Variants in DNAH10 observed in about 807,000 individuals in gnomAD.
DNAH10 encodes the protein dynein axonemal heavy chain 10.
DNAH10 carries 348 observed loss-of-function variants against 506.6 expected under a neutral mutation model. The observed-to-expected ratio is 0.69, with a 90% CI of 0.63 to 0.75. The LOEUF (loss-of-function observed/expected upper bound fraction) is 0.75, where lower values mean the gene tolerates loss of function less well. Ranked by LOEUF, DNAH10 falls within the 30% of genes least tolerant of loss-of-function variation. The pLI is 0.00. For missense variants in DNAH10, 5,179 were observed against 5,787.1 expected (o/e 0.89, Z 3.41); for synonymous variants, 2,059 against 2,198.6 (o/e 0.94, Z 1.78).
At chr12:123,908,532 C>A (rs1215913186) in intron 57 of DNAH10, 1 of 456,120 alleles carries the variant, frequency 2.2e-6, no homozygotes, top group Non-Finnish European at 4.4e-6. Flanking sequence ...CTTTCACTGA[C>A]CTTGCCTGGC....
At chr12:123,766,776 A>C (rs1265109100) in intron 1 of DNAH10, among the ~76,000 whole-genome samples, 1 of 152,092 alleles carries the variant, frequency 6.6e-6, no homozygotes, top group Admixed American at 6.5e-5. Flanking sequence ...GACATTTGAT[A>C]TTGGCCATTT....
In DNAH10 at chr12:123,928,862, C is replaced by CG. The variant is rs968474297; in HGVS notation, c.12306+275_12306+276insG. 1 of 466,532 alleles carries CG rather than the reference C, an allele frequency of 2.1e-6. No homozygotes were observed. Among genetic ancestry groups the CG allele is most frequent in the African/African-American group, 2.8e-5 (1 of 35,812 alleles). The allele number at this position is 466,532 out of a possible 1,614,324, so 28.9% of individuals were successfully genotyped here. A position where few individuals can be genotyped will look rare whatever the true frequency, so the allele number is the denominator to read the frequency against. ...ACTTTTCATAAACTTCACGGCCCCC[C>CG]CCCCCACACACAGCCTGCAGTTCGC... On this transcript the variant is annotated intron_variant, in intron 70 of 78. Transcript: ENST00000673944. This position sits in a 1 kb window ranked among gnomAD's most constrained non-coding sequence, Gnocchi z 4.9.
chr12:123,854,996 A>T (rs1951329682), intron 36 of DNAH10, among the ~76,000 whole-genome samples: 2 of 152,244 alleles, frequency 1.3e-5, no homozygotes, highest in African/African-American at 4.8e-5. Flanking sequence ...CCACCACCTC[A>T]GCACCTGTTT....
intron 35 of DNAH10, among the ~76,000 whole-genome samples, chr12:123,851,355 ATGTGT>A (rs1951165981): frequency 3.5e-5 from 5 of 142,506 alleles, no homozygotes; most frequent in African/African-American, 1.4e-4. Flanking sequence ...GGGACCTAGG[ATGTGT>A]CAGCTCCATG....
In DNAH10 at chr12:123,935,672, T is replaced by C. The variant is rs1436912859; in HGVS notation, c.*191T>C. On this transcript the variant is annotated 3_prime_UTR_variant, in exon 79 of 79. Coordinates refer to ENST00000673944, the MANE Select transcript of DNAH10 (RefSeq NM_001372106.1). ...ATGGTTTTGTTTTTAATACTACTTT[T>C]TAAAAGGAATTTATATAATCAAAAA... is the stretch of plus-strand genomic sequence containing the variant. The C allele has an allele frequency of 2.0e-6, 1 of 505,154 alleles. No individual in the cohort carries two copies. Among genetic ancestry groups the C allele is most frequent in the East Asian group, 3.0e-5 (1 of 33,442 alleles). The allele number at this position is 505,154 out of a possible 1,614,324, so 31.3% of individuals were successfully genotyped here. A position where few individuals can be genotyped will look rare whatever the true frequency, so the allele number is the denominator to read the frequency against.
intron 5 of DNAH10, among the ~76,000 whole-genome samples, chr12:123,779,252 G>C (rs1957554182): frequency 6.6e-6 from 1 of 151,922 alleles, no homozygotes; most frequent in African/African-American, 2.4e-5. Flanking sequence ...TGTTGCCCCG[G>C]CTGTTCTCGA....
chr12:123,830,348 T>G (rs1960410998), intron 25 of DNAH10, among the ~76,000 whole-genome samples, 198 bp from the exon 26 acceptor site: 1 of 152,226 alleles, frequency 6.6e-6, no homozygotes, highest in Admixed American at 6.5e-5. Flanking sequence ...TTGCAAGATG[T>G]TGTTTTCCGG....
chr12:123,897,905 A>G lies in DNAH10; in HGVS notation c.9416A>G (p.Asn3139Ser). 1.2e-6 allele frequency: 2 copies of G among 1,610,596 alleles called. No individual in the cohort carries two copies. Among genetic ancestry groups the G allele is most frequent in the Non-Finnish European group, 1.7e-6 (2 of 1,179,068 alleles). Residue 3139 changes from asparagine to serine, a missense_variant, in exon 55 of 79, where the codon AAC (asparagine) becomes AGC (serine). By Grantham distance (46) the Asn-to-Ser change is conservative. Around this residue, in one of 3 missense-constraint regions of DNAH10, gnomAD observed 4,844 missense variants for 5,430.5 expected, o/e 0.89. Coordinates refer to ENST00000673944, the MANE Select transcript of DNAH10 (RefSeq NM_001372106.1). ...LRRSNYVTPK[N>S]YLDFINTYSK... Reference sequence around the variant, plus strand: ...CGCAGCAACTATGTCACTCCCAAGAACTACCTTGATTTTATTAACACCTAT... The same window carrying G: ...CGCAGCAACTATGTCACTCCCAAGAGCTACCTTGATTTTATTAACACCTAT...
chr12:123,871,494 G>A lies in DNAH10; in HGVS notation c.7677G>A (p.Leu2559=). The part of the protein sequence containing the change: ...TVDTTRTTWI[L]EQMVKIKQPV... ...ATACCACTCGGACTACCTGGATATTGGAACAAATGGTTAAAATTAAGCAAC... is the reference window on the plus strand; with the variant it reads ...ATACCACTCGGACTACCTGGATATTAGAACAAATGGTTAAAATTAAGCAAC... The change falls in exon 45 of 79, where the codon TTG becomes TTA. Residue 2559 remains leucine (L), a synonymous_variant. Transcript: ENST00000673944. 6.3e-7 allele frequency: 1 copy of A among 1,575,266 alleles called. No homozygotes were observed. Among genetic ancestry groups the A allele is most frequent in the Non-Finnish European group, 8.6e-7 (1 of 1,158,838 alleles).
chr12:123,817,333 A>G (rs1205631644), intron 21 of DNAH10, among the ~76,000 whole-genome samples: 3 of 151,542 alleles, frequency 2.0e-5, no homozygotes, highest in African/African-American at 7.3e-5. Context: ...CCAATTCCAC[A>G]TATGTTGGAC....
At chr12:123,778,024 C>A (rs1454230849) in intron 5 of DNAH10, among the ~76,000 whole-genome samples, 3 of 151,976 alleles carry the variant, frequency 2.0e-5, no homozygotes, top group Non-Finnish European at 2.9e-5. Context: ...ATAACATCAA[C>A]CCCATCTCTA....
rs1265151923 is a variant in DNAH10, at chr12:123,926,459, A to T, written c.11922-178A>T. ...CCCTGCCACTCAGGAGTTCCCCATC[A>T]GGGTGGGAGACGTGCATAGAAACTA... On this transcript the variant is annotated intron_variant, in intron 68 of 78. Coordinates refer to ENST00000673944, the MANE Select transcript of DNAH10 (RefSeq NM_001372106.1). The surrounding 1 kb of genome is among the most constrained non-coding windows in gnomAD (Gnocchi z 4.1). The T allele has an allele frequency of 1.6e-6, 1 of 619,980 alleles. No homozygotes were observed. Among genetic ancestry groups the T allele is most frequent in the East Asian group, 3.0e-5 (1 of 33,184 alleles). 38.4% of individuals were successfully genotyped at this position (619,980 alleles called of 1,614,324 possible).
chr12:123,782,009 T>C (rs1957672278), intron 6 of DNAH10, among the ~76,000 whole-genome samples: 1 of 152,152 alleles, frequency 6.6e-6, no homozygotes, highest in African/African-American at 2.4e-5. Context: ...ATCTTGACGT[T>C]TTCCTCCACT....
At chr12:123,866,358 C>T (rs1951809585) in intron 41 of DNAH10, among the ~76,000 whole-genome samples, 1 of 149,734 alleles carries the variant, frequency 6.7e-6, no homozygotes, top group Non-Finnish European at 1.5e-5. Context: ...ATTCTCCTGC[C>T]TCAGCCTCCC....
At position 123,848,718 on chromosome 12, in the gene DNAH10, C is replaced by G; in HGVS notation, c.5950-12C>G. 6.2e-7 allele frequency: 1 copy of G among 1,613,788 alleles called. No individual in the cohort carries two copies. Among genetic ancestry groups the G allele is most frequent in the Non-Finnish European group, 8.5e-7 (1 of 1,179,740 alleles). ...GAAAATTGCCCTTGTCCTGACATGT[C>G]TTTCTTCCTAGGCCGTGGGGAAGAT... On this transcript the variant is annotated splice_polypyrimidine_tract_variant and intron_variant, in intron 33 of 78. Coordinates refer to ENST00000673944, the MANE Select transcript of DNAH10 (RefSeq NM_001372106.1).
At position 123,893,386 on chromosome 12, in the gene DNAH10, G is replaced by C. The variant is rs903177381; in HGVS notation, c.9149G>C (p.Gly3050Ala). 2 of 1,613,492 alleles carry C rather than the reference G, an allele frequency of 1.2e-6. No individual in the cohort carries two copies. The highest frequency in any genetic ancestry group is 1.3e-5 in the African/African-American group (1 of 74,918). Residue 3050 changes from glycine (G) to alanine (A), a missense_variant, in exon 53 of 79, where the codon GGC becomes GCC. This residue lies in a region of DNAH10 where 4,844 missense variants were observed against 5,430.5 expected (regional missense o/e 0.89). Transcript: ENST00000673944. Reference protein sequence around the residue: ...KSANNLHIVLGMSPVGDTLRT... With the variant: ...KSANNLHIVLAMSPVGDTLRT... The stretch of plus-strand genomic sequence containing the variant: ...GCAAATAACCTGCACATTGTCCTGG[G>C]CATGTCGCCAGTGGGGGACACCCTG...
chr12:123,769,425 C>G (rs1214878197), intron 2 of DNAH10, among the ~76,000 whole-genome samples: 1 of 152,166 alleles, frequency 6.6e-6, no homozygotes, highest in Non-Finnish European at 1.5e-5. Context: ...GATCCACCCA[C>G]CTCGGCCTCC....
At chr12:123,868,256 G>C (rs1448221905) in intron 43 of DNAH10, 137 bp downstream of exon 43, 1 of 804,104 alleles carries the variant, frequency 1.2e-6, no homozygotes, top group East Asian at 2.7e-5. Context: ...ACATGCAATG[G>C]TCAGAGCACA....
At chr12:123,922,201 C>T (rs1399502221) in intron 65 of DNAH10, among the ~76,000 whole-genome samples, 1 of 151,890 alleles carries the variant, frequency 6.6e-6, no homozygotes, top group South Asian at 2.1e-4. Context: ...GGTGAAACCC[C>T]GTCTCTACTA....
Sources: allele counts gnomAD v4.1 joint callset (sites outside exome capture counted in the v4.1 genomes callset), GRCh38; gene constraint gnomAD v4.1.1; regional missense constraint gnomAD v4.1.1; non-coding constraint Gnocchi (gnomAD v3.1); transcripts MANE v1.5; gene names NCBI Gene and HGNC (gene_info 2026-07-23, HGNC 2026-07-21).